The following SLC39A11 variants were observed in gnomAD, a reference collection of about 807,000 sequenced individuals.
SLC39A11 encodes the protein solute carrier family 39 member 11.
SLC39A11 carries 33 observed loss-of-function variants against 36.1 expected under a neutral mutation model. The ratio of observed to expected loss-of-function variants is 0.91; its 90% CI spans 0.69 to 1.22. SLC39A11 has a LOEUF of 1.22. Ranked by LOEUF, SLC39A11 falls within the 50% of genes most tolerant of loss-of-function variation. The pLI, the probability that SLC39A11 is intolerant of heterozygous loss-of-function variation, is 0.00. For missense variants in SLC39A11, 432 were observed against 430.3 expected, an observed-to-expected ratio of 1.00 and a Z score of -0.03; for synonymous variants, 166 against 170.3, an observed-to-expected ratio of 0.97 and a Z score of 0.20.
At chr17:72,689,993 C>T (rs1314142039) in intron 7 of SLC39A11, among the ~76,000 whole-genome samples, 3 of 152,318 alleles carry the variant, frequency 2.0e-5, no homozygotes, top group East Asian at 1.9e-4. Context: ...CTCCACCGAG[C>T]GCTGTGTGAG....
rs1314075117 is a variant in SLC39A11, at chr17:72,814,419, T to C, written c.601+35215A>G. 2.0e-5 allele frequency among the ~76,000 whole-genome samples: 3 copies of C among 152,264 alleles called. No individual in the cohort carries two copies. The East Asian group carries it at 5.8e-4, about 29-fold the overall frequency. The stretch of plus-strand genomic sequence containing the variant: ...GAGTTGTCAGAGCTCACCCTGAGGA[T>C]GGAGGAGTTCCTCTATACTCAGGCC... On this transcript the variant is annotated intron_variant, in intron 6 of 9. Coordinates refer to ENST00000255559, the MANE Select transcript of SLC39A11 (RefSeq NM_139177.4).
At chr17:73,088,520 A>G (rs905767352) in intron 2 of SLC39A11, 137 bp downstream of exon 2, 1 of 647,852 alleles carries the variant, frequency 1.5e-6, no homozygotes, top group African/African-American at 1.8e-5. Flanking sequence ...AAGACAGCGA[A>G]CAAACCCCAG....
At chr17:72,698,246 A>G (rs934651527) in intron 7 of SLC39A11, among the ~76,000 whole-genome samples, 2 of 152,168 alleles carry the variant, frequency 1.3e-5, no homozygotes, top group Non-Finnish European at 2.9e-5. Context: ...TCCAGAAAGG[A>G]AGTTGAATGT....
chr17:72,914,740 C>A (rs1249721055), intron 5 of SLC39A11, among the ~76,000 whole-genome samples: 4 of 152,140 alleles, frequency 2.6e-5, no homozygotes, highest in Non-Finnish European at 4.4e-5. Context: ...TGGTGACAGA[C>A]TCCTATAATC....
At chr17:72,649,964 G>A (rs2069775167) in intron 7 of SLC39A11, among the ~76,000 whole-genome samples, 1 of 152,224 alleles carries the variant, frequency 6.6e-6, no homozygotes, top group Non-Finnish European at 1.5e-5. Flanking sequence ...GTGACCCAGT[G>A]ACCCAATAAT....
chr17:72,753,703 G>A (rs760707523), intron 6 of SLC39A11, among the ~76,000 whole-genome samples: 19 of 151,692 alleles, frequency 1.3e-4, no homozygotes, highest in South Asian at 1.0e-3. Flanking sequence ...TCAGGGAGGC[G>A]GGTTGACATT....
rs35694699 is a variant in SLC39A11, at chr17:73,029,059, G to A, written c.306+2497C>T. ...CTTGAACCCAGGAGGTGGAGGTTGCGGTGAGCCAAGATCACGCCATTGCAC... is the reference window on the plus strand; with the variant it reads ...CTTGAACCCAGGAGGTGGAGGTTGCAGTGAGCCAAGATCACGCCATTGCAC... On this transcript the variant is annotated intron_variant, in intron 4 of 9. Coordinates refer to ENST00000255559, the MANE Select transcript of SLC39A11 (RefSeq NM_139177.4). Among the ~76,000 whole-genome samples, 1,899 of 151,294 alleles carry A rather than the reference G, an allele frequency of 0.013. 95 individuals are homozygous for A. In the East Asian group the frequency reaches 0.16, roughly 13 times the overall value.
At chr17:72,791,613 G>A (rs1440135704) in intron 6 of SLC39A11, among the ~76,000 whole-genome samples, 1 of 152,154 alleles carries the variant, frequency 6.6e-6, no homozygotes, top group Admixed American at 6.5e-5. Context: ...CTGTGATAAA[G>A]GTACTGATAT....
intron 5 of SLC39A11, among the ~76,000 whole-genome samples, chr17:72,886,711 C>T (rs2081453070): frequency 6.6e-6 from 1 of 152,188 alleles, no homozygotes; most frequent in African/African-American, 2.4e-5. Context: ...TAATTGAGAT[C>T]TGAAAGTGCT....
chr17:72,728,006 C>T (rs1397781663), intron 7 of SLC39A11, among the ~76,000 whole-genome samples: 3 of 152,132 alleles, frequency 2.0e-5, no homozygotes, highest in Non-Finnish European at 2.9e-5. Flanking sequence ...ATGCCACAGG[C>T]GACGTTTATA....
At chr17:73,089,485 C>T (rs8068198) in intron 1 of SLC39A11, among the ~76,000 whole-genome samples, 103,113 of 151,934 alleles carry the variant, frequency 0.68, 35,466 homozygotes, top group African/African-American at 0.79. Context: ...ACCCGGAGCA[C>T]CCTCTGCAGC....
intron 5 of SLC39A11, among the ~76,000 whole-genome samples, chr17:72,924,909 A>T (rs2083942614): frequency 6.6e-6 from 1 of 151,406 alleles, no homozygotes; most frequent in Non-Finnish European, 1.5e-5. Context: ...GGCTGAGGCC[A>T]GAGAAACACT....
chr17:73,047,118 A>G (rs1030937425), intron 3 of SLC39A11, among the ~76,000 whole-genome samples: 32 of 147,228 alleles, frequency 2.2e-4, no homozygotes, highest in Non-Finnish European at 3.1e-4. Context: ...TCCACCTCCC[A>G]GGTTCACACC....
At chr17:73,069,224 C>T (rs914663374) in intron 3 of SLC39A11, among the ~76,000 whole-genome samples, 3 of 152,218 alleles carry the variant, frequency 2.0e-5, no homozygotes, top group Non-Finnish European at 4.4e-5. Context: ...CTAGAAGTAA[C>T]CTCCCTGTCA....
chr17:73,047,439 A>G (rs1161745228), intron 3 of SLC39A11, among the ~76,000 whole-genome samples: 3 of 152,188 alleles, frequency 2.0e-5, no homozygotes, highest in Non-Finnish European at 4.4e-5. Context: ...ATTTATTCCT[A>G]TGTAAAATGG....
At position 72,729,422 on chromosome 17, in the gene SLC39A11, TATATATATATATATATATATATATATA is replaced by T. The variant is rs2074079324; in HGVS notation, c.671+7201_671+7227del. On this transcript the variant is annotated intron_variant, in intron 7 of 9. Coordinates refer to ENST00000255559, the MANE Select transcript of SLC39A11 (RefSeq NM_139177.4). ...CTGGCTATTTATATATATATATATA[TATATATATATATATATATATATATATA>T]TATATATATTTTTTTTTTTTTTTTT... Among the ~76,000 whole-genome samples the T allele has an allele frequency of 5.4e-3, 14 of 2,604 alleles. 2 individuals carry two copies. The highest frequency in any genetic ancestry group is 7.5e-3 in the Non-Finnish European group (11 of 1,474). The allele number at this position is 2,604 out of a possible 152,430, so 1.7% of individuals were successfully genotyped here.
At chr17:73,000,045 G>T (rs528958714) in intron 4 of SLC39A11, among the ~76,000 whole-genome samples, 1 of 152,032 alleles carries the variant, frequency 6.6e-6, no homozygotes, top group Non-Finnish European at 1.5e-5. Flanking sequence ...ACACCTGGCC[G>T]GTATCCTGTA....
chr17:72,835,659 C>T (rs979208344), intron 6 of SLC39A11, among the ~76,000 whole-genome samples: 1 of 152,142 alleles, frequency 6.6e-6, no homozygotes, highest in African/African-American at 2.4e-5. Flanking sequence ...CGGGGTTCTG[C>T]CACGTTGCCC....
intron 6 of SLC39A11, among the ~76,000 whole-genome samples, chr17:72,792,319 T>C (rs944219147): frequency 6.6e-5 from 10 of 152,126 alleles, no homozygotes; most frequent in Non-Finnish European, 2.9e-5. Flanking sequence ...GTGGCTGGCT[T>C]GTTTGAAGAA....
Sources: gnomAD v4.1 joint callset for allele counts (sites outside exome capture counted in the v4.1 genomes callset) on GRCh38, gnomAD v4.1.1 for gene constraint, MANE v1.5 for transcripts, NCBI Gene and HGNC (gene_info 2026-07-23, HGNC 2026-07-21) for gene names.